RAB27B: variants seen among roughly 807,000 people sequenced by gnomAD.
The protein encoded by RAB27B is RAB27B, member RAS oncogene family, also known as ras-related protein Rab-27B.
Under a neutral mutation model 24.6 loss-of-function variants are expected in RAB27B, and 15 were observed. The observed-to-expected ratio is 0.61, with a 90% CI of 0.41 to 0.94. The LOEUF (loss-of-function observed/expected upper bound fraction) is 0.94, where lower values mean the gene tolerates loss of function less well. RAB27B is among the 40% of genes least tolerant of loss of function. The pLI is 0.00. For missense variants in RAB27B, 261 were observed against 266.8 expected (o/e 0.98, Z 0.15); for synonymous variants, 105 against 92.5 (o/e 1.14, Z -0.78).
intron 2 of RAB27B, among the ~76,000 whole-genome samples, chr18:54,787,872 G>A (rs900222115): frequency 1.3e-5 from 2 of 152,142 alleles, no homozygotes; most frequent in Admixed American, 6.5e-5. Flanking sequence ...TACTCACACT[G>A]ATTGTTTTCA....
At chr18:54,819,317 A>G (rs536273548) in intron 2 of RAB27B, among the ~76,000 whole-genome samples, 1 of 148,472 alleles carries the variant, frequency 6.7e-6, no homozygotes, top group Admixed American at 6.7e-5. Context: ...AATAAAAAAT[A>G]ATTCCTTATA....
At chr18:54,758,992 T>C (rs73959292) in intron 2 of RAB27B, among the ~76,000 whole-genome samples, 8,449 of 152,274 alleles carry the variant, frequency 0.055, 303 homozygotes, top group Admixed American at 0.085. Context: ...ATTTCTATTA[T>C]TATATTCTTA....
intron 2 of RAB27B, among the ~76,000 whole-genome samples, chr18:54,757,349 A>G (rs762244402): frequency 1.4e-4 from 21 of 152,324 alleles, no homozygotes; most frequent in Admixed American, 3.3e-4. Context: ...CTCTAACATC[A>G]GAGTGGCTCT....
Position 54,864,599 on chromosome 18 carries a change from T to C in RAB27B, c.-19-12968T>C, listed in dbSNP as rs549274809. Among the ~76,000 whole-genome samples, 26 of 152,286 alleles carry C rather than the reference T, an allele frequency of 1.7e-4. 1 individual carries two copies. The highest frequency in any genetic ancestry group is 6.3e-4 in the African/African-American group (26 of 41,578). On this transcript the variant is annotated intron_variant, in intron 1 of 5. Transcript: ENST00000262094. ...AAGAGTTTCATAGTTTTAGCTCTTA[T>C]ATTTAGGTCTATGATCCATTTAATT...
chr18:54,825,983 C>G (rs914021714), upstream of RAB27B, among the ~76,000 whole-genome samples: 3 of 152,220 alleles, frequency 2.0e-5, no homozygotes, highest in Non-Finnish European at 2.9e-5. Flanking sequence ...ATCCTCTGCT[C>G]TTCCAAATCA....
At position 54,744,136 on chromosome 18, in the gene RAB27B, T is replaced by C. The variant is rs544970143; in HGVS notation, c.-20+25995T>C. Among the ~76,000 whole-genome samples the C allele has an allele frequency of 3.9e-5, 6 of 152,348 alleles. No homozygotes were observed. In the East Asian group the frequency reaches 9.6e-4, roughly 24 times the overall value. ...GAAGAAGATAGATTGATTTCATTCA[T>C]TGGAAAGTGTGTGAGCCATGGCTAC... On this transcript the variant is annotated intron_variant, in intron 2 of 4. Coordinates refer to the RAB27B transcript ENST00000586570.
chr18:54,725,547 G>A (rs1909506999), intron 2 of RAB27B, among the ~76,000 whole-genome samples: 3 of 151,560 alleles, frequency 2.0e-5, no homozygotes, highest in Admixed American at 2.0e-4. Context: ...CCAAGACTGG[G>A]TAATTTATAA....
chr18:54,839,371 G>A (rs1190468220), intron 1 of RAB27B, among the ~76,000 whole-genome samples: 2 of 152,136 alleles, frequency 1.3e-5, no homozygotes, highest in Non-Finnish European at 2.9e-5. Context: ...AACTTGCTAA[G>A]ATTACAAGAC....
At chr18:54,747,769 G>A (rs1326022434) in intron 2 of RAB27B, among the ~76,000 whole-genome samples, 1 of 152,140 alleles carries the variant, frequency 6.6e-6, no homozygotes, top group Non-Finnish European at 1.5e-5. Flanking sequence ...TTTGCAGCTT[G>A]AGTATTTTAT....
intron 2 of RAB27B, among the ~76,000 whole-genome samples, chr18:54,821,348 CAAG>C (rs1217302671): frequency 6.6e-6 from 1 of 152,132 alleles, no homozygotes; most frequent in African/African-American, 2.4e-5. Context: ...AGGACCTCTT[CAAG>C]AAGAACTGCA....
chr18:54,797,979 T>C (rs1909478023), intron 2 of RAB27B, among the ~76,000 whole-genome samples: 1 of 152,234 alleles, frequency 6.6e-6, no homozygotes, highest in Non-Finnish European at 1.5e-5. Context: ...CCCTTAAAGA[T>C]TCTGACTTAA....
rs920003074 is a variant in RAB27B, at chr18:54,890,448, A to G, written c.*1035A>G. 1 of 152,188 alleles carries G rather than the reference A, an allele frequency of 6.6e-6. No individual in the cohort carries two copies. The highest frequency in any genetic ancestry group is 2.4e-5 in the African/African-American group (1 of 41,470). 9.4% of individuals were successfully genotyped at this position (152,188 alleles called of 1,614,324 possible). On this transcript the variant is annotated 3_prime_UTR_variant, in exon 6 of 6. Transcript: ENST00000262094. ...AGATAAAATAAGATGGTGATATGAA[A>G]CAAAAAGTGGCAATTATTGCAGGTT...
At chr18:54,806,545 A>G (rs574073423) in intron 2 of RAB27B, among the ~76,000 whole-genome samples, 233 of 148,410 alleles carry the variant, frequency 1.6e-3, no homozygotes, top group Middle Eastern at 7.1e-3. Context: ...GTAATTATAT[A>G]TATAAGCCAC....
rs138570808 is a variant in RAB27B at position 54,788,081 on chromosome 18, C to G, written c.-20+69940C>G. The stretch of plus-strand genomic sequence containing the variant: ...TTGGTATATCTCTTCCTGTGTCCCT[C>G]CTTGCTTTACTTTCTCAGCAAGGCC... On this transcript the variant is annotated intron_variant, in intron 2 of 4. Coordinates refer to the RAB27B transcript ENST00000586570. Among the ~76,000 whole-genome samples the G allele has an allele frequency of 5.9e-3, 900 of 152,254 alleles. 6 individuals are homozygous for G. The highest frequency in any genetic ancestry group is 0.021 in the African/African-American group (857 of 41,534).
chr18:54,747,527 CCA>C (rs1910290684), intron 2 of RAB27B, among the ~76,000 whole-genome samples: 1 of 152,090 alleles, frequency 6.6e-6, no homozygotes, highest in Non-Finnish European at 1.5e-5. Flanking sequence ...TAATGAATGA[CCA>C]CAGTGGATAA....
chr18:54,774,753 A>G (rs1908662415), intron 2 of RAB27B, among the ~76,000 whole-genome samples: 1 of 152,216 alleles, frequency 6.6e-6, no homozygotes, highest in Non-Finnish European at 1.5e-5. Context: ...AAGCCAGTAA[A>G]ATAGCATCTT....
At chr18:54,785,048 C>T (rs1051019433) in intron 2 of RAB27B, among the ~76,000 whole-genome samples, 1 of 152,158 alleles carries the variant, frequency 6.6e-6, no homozygotes, top group East Asian at 1.9e-4. Context: ...CCCAACCTAT[C>T]AGCCAGTCAC....
At chr18:54,884,522 T>A in intron 4 of RAB27B, 86 bp downstream of exon 4, 2 of 826,232 alleles carry the variant, frequency 2.4e-6, no homozygotes, top group Non-Finnish European at 4.0e-6. Context: ...GAAACCAGAT[T>A]GGGTACCACA....
intron 1 of RAB27B, among the ~76,000 whole-genome samples, chr18:54,847,522 A>G (rs537781267): frequency 6.6e-6 from 1 of 152,318 alleles, no homozygotes; most frequent in East Asian, 1.9e-4. Flanking sequence ...GTGTTGTGTT[A>G]ATTATGACGT....
Sources: allele counts gnomAD v4.1 joint callset (sites outside exome capture counted in the v4.1 genomes callset), GRCh38; gene constraint gnomAD v4.1.1; transcripts MANE v1.5; gene names NCBI Gene and HGNC (gene_info 2026-07-23, HGNC 2026-07-21).